UNC13C: variants seen among roughly 807,000 people sequenced by gnomAD.
UNC13C encodes the protein protein unc-13 homolog C.
A neutral mutation model predicts 245.4 loss-of-function variants in UNC13C; 174 were observed. The ratio of observed to expected loss-of-function variants is 0.71; its 90% confidence interval spans 0.63 to 0.80. The LOEUF is 0.80. Among genes scored for constraint, UNC13C ranks in the 30% least tolerant of loss-of-function variants. The pLI is 0.00. For synonymous variants in UNC13C, 992 were observed against 895.1 expected, an observed-to-expected ratio of 1.11 and a Z score of -1.93; for missense variants, 2,829 against 2,602.9, an observed-to-expected ratio of 1.09 and a Z score of -1.89.
chr15:53,906,457 T>C, the UNC13C span, among the ~76,000 whole-genome samples: 11 of 152,338 alleles, frequency 7.2e-5, no homozygotes, highest in East Asian at 2.1e-3. Context: ...TAACAATATG[T>C]GCATAGGTAG....
At chr15:53,958,007 G>A in the UNC13C span, among the ~76,000 whole-genome samples, 4 of 152,082 alleles carry the variant, frequency 2.6e-5, no homozygotes, top group Admixed American at 2.6e-4. Flanking sequence ...AGGAGAAGGT[G>A]GAGATTGAGA....
chr15:54,233,284 C>T (rs2035601463), intron 4 of UNC13C, among the ~76,000 whole-genome samples: 1 of 152,054 alleles, frequency 6.6e-6, no homozygotes, highest in Non-Finnish European at 1.5e-5. Flanking sequence ...TCTCCCTGAA[C>T]ACATTCTCTT....
At chr15:54,425,078 G>C (rs374537647) in intron 19 of UNC13C, among the ~76,000 whole-genome samples, 18 of 151,902 alleles carry the variant, frequency 1.2e-4, no homozygotes, top group African/African-American at 3.9e-4. Flanking sequence ...TGGCCTACCA[G>C]GGACCACTTC....
At chr15:54,032,938 G>T (rs1390324223) in intron 2 of UNC13C, among the ~76,000 whole-genome samples, 1 of 152,178 alleles carries the variant, frequency 6.6e-6, no homozygotes, top group African/African-American at 2.4e-5. Flanking sequence ...AATCTATGAG[G>T]AAGGAAAGGC....
At chr15:54,393,017 T>A (rs199974189) in intron 17 of UNC13C, 31 bp from the exon 18 acceptor site, 1 of 1,535,358 alleles carries the variant, frequency 6.5e-7, no homozygotes, top group Non-Finnish European at 8.7e-7. Context: ...TTTAACCTTT[T>A]CTTTTGCATG....
At chr15:54,050,253 T>G in intron 2 of UNC13C, 2 of 546,208 alleles carry the variant, frequency 3.7e-6, no homozygotes, top group Non-Finnish European at 7.3e-6. Flanking sequence ...ATTACAGGCG[T>G]GAGCCACTGT....
intron 16 of UNC13C, among the ~76,000 whole-genome samples, chr15:54,335,886 G>A (rs1248803028): frequency 6.6e-6 from 1 of 152,128 alleles, no homozygotes; most frequent in Non-Finnish European, 1.5e-5. Flanking sequence ...CTCAGCAGCA[G>A]TGTGTGAGAG....
In UNC13C at chr15:54,014,747, G is replaced by A. The variant is rs1171265881; in HGVS notation, c.1844G>A (p.Gly615Glu). 1.2e-6 allele frequency: 2 copies of A among 1,613,844 alleles called. No individual in the cohort carries two copies. The highest frequency in any genetic ancestry group is 2.2e-5 in the East Asian group (1 of 44,870). The change falls in exon 2 of 33, where the codon GGG becomes GAG. Residue 615 changes from glycine to glutamate, a missense_variant. Gly to Glu is a moderately conservative substitution (Grantham distance 98). Transcript: ENST00000260323. Reference sequence around the variant, plus strand: ...AATGGAGGTGTTCAGGGTATCCAAGGGCAGACTGAAACTGAAAACACAGAA... The same window carrying A: ...AATGGAGGTGTTCAGGGTATCCAAGAGCAGACTGAAACTGAAAACACAGAA... ...HLNGGVQGIQ[G>E]QTETENTETV...
intron 2 of UNC13C, among the ~76,000 whole-genome samples, chr15:54,087,048 C>A (rs1476561530): frequency 6.6e-6 from 1 of 151,976 alleles, no homozygotes; most frequent in Admixed American, 6.6e-5. Context: ...GCTTATTTTC[C>A]ACCTCAGTAC....
chr15:53,881,621 G>A, the UNC13C span, among the ~76,000 whole-genome samples: 4 of 152,258 alleles, frequency 2.6e-5, no homozygotes, highest in South Asian at 4.2e-4. Flanking sequence ...GCCAGTGATC[G>A]GAGCTTTTAA....
intron 30 of UNC13C, among the ~76,000 whole-genome samples, chr15:54,600,302 A>G (rs778179191): frequency 1.1e-4 from 17 of 152,108 alleles, no homozygotes; most frequent in Non-Finnish European, 1.8e-4. Flanking sequence ...CACTGTGTAG[A>G]AAAGGGCTAT....
chr15:54,070,090 G>A (rs1262360982), intron 2 of UNC13C, among the ~76,000 whole-genome samples: 2 of 152,176 alleles, frequency 1.3e-5, no homozygotes, highest in African/African-American at 2.4e-5. Flanking sequence ...GTTGGATTCC[G>A]AAGCCCCTAC....
intron 13 of UNC13C, among the ~76,000 whole-genome samples, chr15:54,316,070 C>T (rs2038000559): frequency 6.6e-6 from 1 of 151,878 alleles, no homozygotes; most frequent in African/African-American, 2.4e-5. Flanking sequence ...CTGATTATTT[C>T]ACTTCCTAAG....
At position 54,143,670 on chromosome 15, in the gene UNC13C, C is replaced by G; in HGVS notation, c.3057C>G (p.Leu1019=). The change falls in exon 4 of 33, where the codon CTC becomes CTG. Residue 1019 remains leucine (L), a synonymous_variant. Transcript: ENST00000260323. The part of the protein sequence containing the change: ...NDLDASKFSA[L]QVCGGAGGGL... ...TGGATGCTTCCAAATTTTCTGCACT[C>G]CAGGTGTGTGGTGGGTAAGTACCTT... The G allele has an allele frequency of 6.2e-7, 1 of 1,613,052 alleles. No individual in the cohort carries two copies.
At position 54,073,663 on chromosome 15, in the gene UNC13C, G is replaced by C. The variant is rs377759772; in HGVS notation, c.2983+57777G>C. On this transcript the variant is annotated intron_variant, in intron 2 of 32. Transcript: ENST00000260323. ...ATGAGCATTTTTTCATATGTTTATT[G>C]GCTGCATAAATGTCTTCTTTTGACA... Among the ~76,000 whole-genome samples, 15 of 152,028 alleles carry C rather than the reference G, an allele frequency of 9.9e-5. No individual in the cohort carries two copies. The South Asian group carries it at 1.7e-3, about 17-fold the overall frequency.
chr15:54,162,589 G>A (rs1054083155), intron 4 of UNC13C, among the ~76,000 whole-genome samples: 1 of 152,026 alleles, frequency 6.6e-6, no homozygotes, highest in Non-Finnish European at 1.5e-5. Context: ...CATTAATTTA[G>A]CCTATTATGT....
rs116032138 is a variant in UNC13C at position 54,095,320 on chromosome 15, G to A, written c.2984-47698G>A. On this transcript the variant is annotated intron_variant, in intron 2 of 32. Coordinates refer to ENST00000260323, the MANE Select transcript of UNC13C (RefSeq NM_001080534.3). ...AAGGATCTCCTATTTCCCATAGATCGGGTTGTAGTGGGGTAAGCAGGACCA... is the reference window on the plus strand; with the variant it reads ...AAGGATCTCCTATTTCCCATAGATCAGGTTGTAGTGGGGTAAGCAGGACCA... Among the ~76,000 whole-genome samples the A allele has an allele frequency of 5.2e-3, 784 of 152,184 alleles. 9 individuals are homozygous for A. The highest frequency in any genetic ancestry group is 0.018 in the African/African-American group (752 of 41,502).
At position 54,125,197 on chromosome 15, in the gene UNC13C, C is replaced by T. The variant is rs372534775; in HGVS notation, c.2984-17821C>T. Among the ~76,000 whole-genome samples the T allele has an allele frequency of 6.6e-5, 10 of 152,260 alleles. No individual in the cohort carries two copies. In the East Asian group the frequency reaches 7.7e-4, roughly 12 times the overall value. On this transcript the variant is annotated intron_variant, in intron 2 of 32. Transcript: ENST00000260323. ...ATAATTCTAGGGCCGGGCACAGTGG[C>T]TCACATCTGTAATTCTAGCACTTTG...
At chr15:53,857,176 T>C in the UNC13C span, among the ~76,000 whole-genome samples, 3 of 152,144 alleles carry the variant, frequency 2.0e-5, no homozygotes, top group Non-Finnish European at 4.4e-5. Context: ...TTTTCCACCA[T>C]GTGGTCACAC....
Sources: gnomAD v4.1 joint callset for allele counts (sites outside exome capture counted in the v4.1 genomes callset) on GRCh38, gnomAD v4.1.1 for gene constraint, MANE v1.5 for transcripts, NCBI Gene and HGNC (gene_info 2026-07-23, HGNC 2026-07-21) for gene names.